The following TENM4 variants were observed in gnomAD, a reference collection of about 807,000 sequenced individuals.
TENM4 encodes teneurin transmembrane protein 4, also known as teneurin-4.
A neutral mutation model predicts 243.3 loss-of-function variants in TENM4; 82 were observed. The observed-to-expected ratio is 0.34, with a 90% CI of 0.28 to 0.40. TENM4 has a LOEUF of 0.40. TENM4 is among the 10% of genes least tolerant of loss of function. The probability of loss-of-function intolerance (pLI) is 1.00; values close to 1 mark genes in which losing one functional copy is unlikely to be tolerated. For synonymous variants in TENM4, 1,412 were observed against 1,456.3 expected, an observed-to-expected ratio of 0.97 and a Z score of 0.69; for missense variants, 3,138 against 3,673.3, an observed-to-expected ratio of 0.85 and a Z score of 3.77.
intron 2 of TENM4, among the ~76,000 whole-genome samples, chr11:79,254,490 AC>A (rs1855667683): frequency 6.6e-6 from 1 of 152,128 alleles, no homozygotes; most frequent in Admixed American, 6.5e-5. Context: ...TGCTGTGGCC[AC>A]CCTTGGAGAG....
intron 16 of TENM4, among the ~76,000 whole-genome samples, chr11:78,784,926 C>T (rs1435653303): frequency 1.3e-5 from 2 of 152,124 alleles, no homozygotes; most frequent in Non-Finnish European, 2.9e-5. Context: ...ATGCGTTTAT[C>T]TTATAACATT....
intron 6 of TENM4, among the ~76,000 whole-genome samples, chr11:78,946,735 A>G (rs933932869): frequency 3.9e-5 from 6 of 152,222 alleles, no homozygotes; most frequent in Admixed American, 3.9e-4. Flanking sequence ...AAGAGTTTGG[A>G]AGAAACTGAT....
chr11:78,776,898 CAGAAGAT>C (rs1856750519), intron 17 of TENM4, among the ~76,000 whole-genome samples: 1 of 151,784 alleles, frequency 6.6e-6, no homozygotes, highest in African/African-American at 2.4e-5. Context: ...CTTATGGTGA[CAGAAGAT>C]AGAATGCTGA....
At chr11:78,991,269 C>T (rs1858037360) in intron 6 of TENM4, among the ~76,000 whole-genome samples, 1 of 150,436 alleles carries the variant, frequency 6.6e-6, no homozygotes, top group African/African-American at 2.4e-5. Flanking sequence ...ATGTCTCTAT[C>T]TAGTCCCTTA....
intron 6 of TENM4, among the ~76,000 whole-genome samples, chr11:78,954,591 C>T (rs988317791): frequency 1.3e-5 from 2 of 152,210 alleles, no homozygotes; most frequent in African/African-American, 4.8e-5. Flanking sequence ...CTTGAGCAGA[C>T]ATTCTGTCAC....
intron 4 of TENM4, among the ~76,000 whole-genome samples, chr11:79,138,385 A>G (rs1308054042): frequency 1.7e-5 from 2 of 120,810 alleles, no homozygotes; most frequent in African/African-American, 3.3e-5. Flanking sequence ...AATATATATT[A>G]TATAATATAG....
chr11:79,335,473 G>A (rs1007540984), intron 1 of TENM4, among the ~76,000 whole-genome samples: 6 of 152,204 alleles, frequency 3.9e-5, no homozygotes, highest in Admixed American at 1.3e-4. Context: ...TTCTCAAGCT[G>A]CCCAAACCAT....
intron 6 of TENM4, among the ~76,000 whole-genome samples, chr11:78,930,770 T>G (rs1480935993): frequency 6.6e-6 from 1 of 152,224 alleles, no homozygotes; most frequent in Non-Finnish European, 1.5e-5. Context: ...ATTTCAGATA[T>G]TTTAAAAAGT....
At position 78,713,703 on chromosome 11, in the gene TENM4, T is replaced by C. The variant is rs77694858; in HGVS notation, c.3822-989A>G. The stretch of plus-strand genomic sequence containing the variant: ...ATAAAATAAAAAATGCAAAGTAGCA[T>C]AGTGTAGTAGATGCTCAATAATAAT... On this transcript the variant is annotated intron_variant, in intron 25 of 33. Coordinates refer to ENST00000278550, the MANE Select transcript of TENM4 (RefSeq NM_001098816.3). Among the ~76,000 whole-genome samples the C allele has an allele frequency of 9.7e-3, 1,482 of 152,354 alleles. 29 individuals are homozygous for C. The highest frequency in any genetic ancestry group is 0.034 in the African/African-American group (1,411 of 41,566).
chr11:78,804,380 CTCAG>C (rs2136082745), intron 15 of TENM4, among the ~76,000 whole-genome samples: 1 of 152,290 alleles, frequency 6.6e-6, no homozygotes, highest in East Asian at 1.9e-4. Flanking sequence ...ACTGTAGGGG[CTCAG>C]TAAGTATTTG....
intron 1 of TENM4, among the ~76,000 whole-genome samples, chr11:79,302,301 A>G (rs560357674): frequency 2.6e-5 from 4 of 152,216 alleles, no homozygotes; most frequent in Admixed American, 6.5e-5. Flanking sequence ...GGACTGTTCC[A>G]TTTCTCTCCA....
chr11:79,407,730 T>A lies in TENM4; in HGVS notation c.-321+32779A>T, dbSNP rs1409903669. 2.6e-5 allele frequency among the ~76,000 whole-genome samples: 4 copies of A among 152,326 alleles called. No homozygotes were observed. The East Asian group carries it at 7.7e-4, about 29-fold the overall frequency. On this transcript the variant is annotated intron_variant, in intron 1 of 33. Transcript: ENST00000278550. ...TTAACCTCCTTCAAAGTTCATCTAC[T>A]AGTTGAACTCTTTATCAGTAGTTAA...
At chr11:79,043,667 T>A (rs1859592090) in intron 6 of TENM4, among the ~76,000 whole-genome samples, 1 of 152,146 alleles carries the variant, frequency 6.6e-6, no homozygotes, top group African/African-American at 2.4e-5. Flanking sequence ...CTATAATCAC[T>A]AAAACAGGAC....
At chr11:79,017,562 G>C (rs987062362) in intron 6 of TENM4, among the ~76,000 whole-genome samples, 2 of 152,176 alleles carry the variant, frequency 1.3e-5, no homozygotes, top group Non-Finnish European at 2.9e-5. Context: ...CTATGGGAAG[G>C]GGATAAGGGA....
chr11:79,264,294 G>A (rs1432403397), intron 2 of TENM4, among the ~76,000 whole-genome samples: 3 of 152,116 alleles, frequency 2.0e-5, no homozygotes, highest in Non-Finnish European at 4.4e-5. Flanking sequence ...TGGAATTAGA[G>A]TATTATTAAT....
At chr11:79,335,985 T>C (rs75878316) in intron 1 of TENM4, among the ~76,000 whole-genome samples, 270 of 152,070 alleles carry the variant, frequency 1.8e-3, no homozygotes, top group African/African-American at 6.3e-3. Flanking sequence ...GCTGATTCCC[T>C]GTCTAAGCTC....
intron 19 of TENM4, among the ~76,000 whole-genome samples, chr11:78,744,363 T>C (rs1052865980): frequency 3.3e-5 from 5 of 152,238 alleles, no homozygotes; most frequent in African/African-American, 1.2e-4. Flanking sequence ...GGGAAACCCC[T>C]GATTATGAAA....
At chr11:78,842,349 C>T (rs1394890151) in intron 12 of TENM4, among the ~76,000 whole-genome samples, 2 of 152,202 alleles carry the variant, frequency 1.3e-5, no homozygotes, top group East Asian at 1.9e-4. Flanking sequence ...TATACAAAAG[C>T]GGTGGCATTT....
intron 3 of TENM4, among the ~76,000 whole-genome samples, chr11:79,196,037 G>A (rs141874065): frequency 6.6e-6 from 1 of 152,054 alleles, no homozygotes; most frequent in African/African-American, 2.4e-5. Context: ...TTTATCAGGG[G>A]TTTCCATTTT....
Sources: gnomAD v4.1 joint callset for allele counts (sites outside exome capture counted in the v4.1 genomes callset) on GRCh38, gnomAD v4.1.1 for gene constraint, MANE v1.5 for transcripts, NCBI Gene and HGNC (gene_info 2026-07-23, HGNC 2026-07-21) for gene names.